Variants in CRB2 observed in about 807,000 individuals in gnomAD.
The protein encoded by CRB2 is protein crumbs homolog 2.
In CRB2, 85 loss-of-function variants were observed where a neutral mutation model predicts 110.9. That is an observed-to-expected ratio of 0.77 (90% CI 0.64 to 0.92). CRB2 has a LOEUF of 0.92. Among genes scored for constraint, CRB2 ranks in the 40% least tolerant of loss-of-function variants. CRB2 has a pLI of 0.00. For synonymous variants in CRB2, 907 were observed against 831.0 expected, an observed-to-expected ratio of 1.09 and a Z score of -1.57; for missense variants, 1,843 against 1,851.3, an observed-to-expected ratio of 1.00 and a Z score of 0.08.
chr9:123,370,590 GC>G lies in CRB2; in HGVS notation c.1540del (p.Leu514Ter), dbSNP rs1564374304. ...GCTTGTCCTGAGACTGCCGGACCTG[GC>G]CCTAAACGATGGCCATTGGCACCAG... The part of the protein sequence containing the change: ...TVLVLRLPDL[A>X]LNDGHWHQVE... On this transcript the variant is annotated frameshift_variant, in exon 7 of 13. Transcript: ENST00000373631. LOFTEE classifies it high-confidence loss of function. 1 of 1,613,030 alleles carries G rather than the reference GC, an allele frequency of 6.2e-7. No individual in the cohort carries two copies. Among genetic ancestry groups the G allele is most frequent in the Non-Finnish European group, 8.5e-7 (1 of 1,180,030 alleles).
intron 2 of CRB2, among the ~76,000 whole-genome samples, chr9:123,364,147 A>G (rs2041900243): frequency 6.6e-6 from 1 of 152,194 alleles, no homozygotes; most frequent in African/African-American, 2.4e-5. Flanking sequence ...GGTTCCATGC[A>G]TCTTTCTCAT....
Position 123,374,683 on chromosome 9 carries a change from T to C in CRB2, c.3494T>C (p.Leu1165Pro), listed in dbSNP as rs2042076821. ...PAANCSCLEGLAGQRCQVPTL... is the reference protein window; with the variant it reads ...PAANCSCLEGPAGQRCQVPTL... ...GCCAACTGCAGCTGCCTGGAGGGTC[T>C]TGCTGGCCAGAGGTGGGTCTGGGGG... is the stretch of plus-strand genomic sequence containing the variant. The change falls in exon 11 of 13, where the codon CTT (leucine) becomes CCT (proline). Residue 1165 changes from leucine (L) to proline (P), a missense_variant. Physicochemically the swap from Leu to Pro is moderately conservative, Grantham distance 98. Transcript: ENST00000373631. 1.2e-6 allele frequency: 2 copies of C among 1,609,916 alleles called. No homozygotes were observed. The highest frequency in any genetic ancestry group is 4.5e-5 in the East Asian group (2 of 44,866).
At chr9:123,358,553 G>A (rs2041825834) in intron 1 of CRB2, among the ~76,000 whole-genome samples, 1 of 152,234 alleles carries the variant, frequency 6.6e-6, no homozygotes, top group African/African-American at 2.4e-5. Context: ...GTAAAGAATT[G>A]TTAATGAGTA....
intron 6 of CRB2, among the ~76,000 whole-genome samples, 171 bp from the exon 7 acceptor site, chr9:123,369,937 A>T (rs1316825612): frequency 6.6e-6 from 1 of 152,112 alleles, no homozygotes; most frequent in Non-Finnish European, 1.5e-5. Context: ...GGGAAGGGGC[A>T]TCTTGGCTTC....
chr9:123,376,945 A>G lies in CRB2; in HGVS notation c.3741A>G (p.Ala1247=). ...LLLGLLSGIL[A]ARKRRQSEGT... is the part of the protein sequence containing the mutation. ...TGGGCCTCCTTTCAGGGATCCTGGC[A>G]GCCCGAAAGCGCCGCCAGTCTGAGG... is the stretch of plus-strand genomic sequence containing the variant. Residue 1247 remains alanine (A), a synonymous_variant, in exon 13 of 13, where the codon GCA becomes GCG. Transcript: ENST00000373631. The G allele has an allele frequency of 6.2e-7, 1 of 1,606,422 alleles. No homozygotes were observed. The highest frequency in any genetic ancestry group is 8.5e-7 in the Non-Finnish European group (1 of 1,177,710).
At chr9:123,366,463 G>A in intron 4 of CRB2, 97 bp downstream of exon 4, 2 of 1,385,618 alleles carry the variant, frequency 1.4e-6, no homozygotes, top group Non-Finnish European at 1.9e-6. Context: ...GCACGCGAGT[G>A]CCCGCTGGGT....
At position 123,363,037 on chromosome 9, in the gene CRB2, C is replaced by T. The variant is rs765260035; in HGVS notation, c.267C>T (p.Pro89=). 1.9e-6 allele frequency: 3 copies of T among 1,612,420 alleles called. No individual in the cohort carries two copies. The highest frequency in any genetic ancestry group is 2.5e-6 in the Non-Finnish European group (3 of 1,179,920). The change falls in exon 2 of 13, where the codon CCC becomes CCT. Residue 89 remains proline, a synonymous_variant. Transcript: ENST00000373631. ...TGTGTGTGCCCCAGGGTCCAGATCC[C>T]ACCGGCTTCCGCTGCTACTGCGTGC... ...GALCVPQGPD[P]TGFRCYCVPG...
rs367714520 is a variant in CRB2 at position 123,358,074 on chromosome 9, G to A, written c.94+1720G>A. On this transcript the variant is annotated intron_variant, in intron 1 of 12. Transcript: ENST00000373631. ...CATCCCTGGGGATCCCTAAAAGTTG[G>A]TGGGGTACACTGCAGGCATGACCAT... Among the ~76,000 whole-genome samples the A allele has an allele frequency of 2.0e-5, 3 of 152,352 alleles. No individual in the cohort carries two copies. In the East Asian group the frequency reaches 5.8e-4, roughly 29 times the overall value.
chr9:123,359,168 C>T (rs938896192), intron 1 of CRB2, among the ~76,000 whole-genome samples: 1 of 152,068 alleles, frequency 6.6e-6, no homozygotes, highest in African/African-American at 2.4e-5. Flanking sequence ...AAGAGTATGC[C>T]AAATTATTCT....
rs745683696 is a variant in CRB2 at position 123,375,304 on chromosome 9, C to G, written c.3594C>G (p.Ile1198Met). ...CRAAGGVSEC[I>M]CNARFSGQFC... ...CAGCTGGAGGGGTGTCTGAATGTAT[C>G]TGCAATGCCAGATTCTCCGGCCAGT... Residue 1198 changes from isoleucine (I) to methionine (M), a missense_variant, in exon 12 of 13, where the codon ATC becomes ATG. By Grantham distance (10) the Ile-to-Met change is conservative. Transcript: ENST00000373631. 6.2e-7 allele frequency: 1 copy of G among 1,610,090 alleles called. No individual in the cohort carries two copies. The highest frequency in any genetic ancestry group is 8.5e-7 in the Non-Finnish European group (1 of 1,177,936).
chr9:123,372,371 G>A (rs2042029571), intron 9 of CRB2, 29 bp downstream of exon 9: 4 of 1,563,194 alleles, frequency 2.6e-6, no homozygotes, highest in Non-Finnish European at 3.5e-6. Flanking sequence ...CAGCTCCCGT[G>A]CTGGGTGCTG....
chr9:123,373,903 C>CGGG lies in CRB2; in HGVS notation c.3375_3377dup (p.Gly1126dup). On this transcript the variant is annotated inframe_insertion, in exon 10 of 13. Transcript: ENST00000373631. ...TCGAGTGCCGCTGCCCGCCTGGCTT[C>CGGG]GGGGGCCCGCGCTGCAGGTGGGATG... The CGGG allele has an allele frequency of 1.3e-6, 2 of 1,548,450 alleles. No individual in the cohort carries two copies. The highest frequency in any genetic ancestry group is 1.7e-6 in the Non-Finnish European group (2 of 1,147,986).
At position 123,373,300 on chromosome 9, in the gene CRB2, G is replaced by T; in HGVS notation, c.2769G>T (p.Ala923=). 1 of 1,468,980 alleles carries T rather than the reference G, an allele frequency of 6.8e-7. No individual in the cohort carries two copies. Among genetic ancestry groups the T allele is most frequent in the Non-Finnish European group, 8.9e-7 (1 of 1,119,472 alleles). The allele number at this position is 1,468,980 out of a possible 1,614,324, so 91.0% of individuals were successfully genotyped here. The change falls in exon 10 of 13, where the codon GCG becomes GCT. Residue 923 remains alanine, a synonymous_variant. Coordinates refer to ENST00000373631, the MANE Select transcript of CRB2 (RefSeq NM_173689.7). ...GCGCCCTGGAAGGCGTGTGGCTGGC[G>T]GTGCGCAATGGCTCGCTGGCGGGGG... ...AAGALEGVWL[A]VRNGSLAGGV...
At chr9:123,375,754 C>CA (rs1346023036) in intron 12 of CRB2, among the ~76,000 whole-genome samples, 1 of 152,206 alleles carries the variant, frequency 6.6e-6, no homozygotes, top group Non-Finnish European at 1.5e-5. Flanking sequence ...CACGGAGGGG[C>CA]AGGGGGCCTG....
rs572836763 is a variant in CRB2 at position 123,370,967 on chromosome 9, C to T, written c.1914C>T (p.Pro638=). The change falls in exon 7 of 13, where the codon CCC becomes CCT. Residue 638 remains proline, a synonymous_variant. Transcript: ENST00000373631. ...ACTGTGCCCGGCCCCATAGAGGTCC[C>T]ACGTGCGCTGATGGTGAGGAATAAG... is the stretch of plus-strand genomic sequence containing the variant. ...RCDCARPHRG[P]TCADEIPAAT... 42 of 1,604,916 alleles carry T rather than the reference C, an allele frequency of 2.6e-5. No individual in the cohort carries two copies. Among genetic ancestry groups the T allele is most frequent in the South Asian group, 1.3e-4 (12 of 90,184 alleles).
Position 123,367,644 on chromosome 9 carries a change from C to T in CRB2, c.1012C>T (p.Leu338=). Residue 338 remains leucine (L), a synonymous_variant, in exon 6 of 13, where the codon CTG becomes TTG. Transcript: ENST00000373631. ...CCTCAACGGAGGCCACTGCCAGGAC[C>T]TGCCCAATGGCTTCCAGTGTCACTG... ...PCLNGGHCQD[L]PNGFQCHCPD... is the part of the protein sequence containing the mutation. The T allele has an allele frequency of 6.4e-7, 1 of 1,570,146 alleles. No homozygotes were observed. The highest frequency in any genetic ancestry group is 1.2e-5 in the South Asian group (1 of 85,182).
intron 1 of CRB2, among the ~76,000 whole-genome samples, chr9:123,360,820 A>G (rs145703719): frequency 6.6e-6 from 1 of 152,266 alleles, no homozygotes; most frequent in East Asian, 1.9e-4. Context: ...GGTAAATGCC[A>G]AGATCAACTG....
In CRB2 at chr9:123,370,338, G is replaced by C. The variant is rs577180539; in HGVS notation, c.1285G>C (p.Gly429Arg). 5.0e-6 allele frequency: 8 copies of C among 1,613,790 alleles called. No individual in the cohort carries two copies. In the East Asian group the frequency reaches 6.7e-5, roughly 13 times the overall value. The part of the protein sequence containing the change: ...VHSYVCHCPP[G>R]THGPFCGQNT... ...CAGTTACGTCTGCCACTGCCCACCT[G>C]GTACCCATGGACCGTTCTGTGGCCA... The change falls in exon 7 of 13, where the codon GGT (glycine) becomes CGT (arginine). Residue 429 changes from glycine to arginine, a missense_variant. Physicochemically the swap from Gly to Arg is moderately radical, Grantham distance 125 (BLOSUM62 -2). Transcript: ENST00000373631.
At chr9:123,368,152 C>T (rs1292148458) in intron 6 of CRB2, among the ~76,000 whole-genome samples, 2 of 152,084 alleles carry the variant, frequency 1.3e-5, no homozygotes, top group Non-Finnish European at 2.9e-5. Context: ...GGAGCTCCAC[C>T]GCCAACACTG....
Sources: gnomAD v4.1 joint callset for allele counts (sites outside exome capture counted in the v4.1 genomes callset) on GRCh38, gnomAD v4.1.1 for gene constraint, MANE v1.5 for transcripts, NCBI Gene and HGNC (gene_info 2026-07-23, HGNC 2026-07-21) for gene names.